The following WNT2B variants were observed in gnomAD, a reference collection of about 807,000 sequenced individuals.
The protein encoded by WNT2B is Wnt family member 2B.
In WNT2B, 19 loss-of-function variants were observed where a neutral mutation model predicts 40.5. The observed-to-expected ratio is 0.47, with a 90% confidence interval of 0.33 to 0.69. The LOEUF (loss-of-function observed/expected upper bound fraction) is 0.69, where lower values mean the gene tolerates loss of function less well. Among genes scored for constraint, WNT2B ranks in the 30% least tolerant of loss-of-function variants. WNT2B has a pLI of 0.02. For missense variants in WNT2B, 467 were observed against 556.4 expected (o/e 0.84, Z 1.62); for synonymous variants, 220 against 211.9 (o/e 1.04, Z -0.33).
intron 1 of WNT2B, among the ~76,000 whole-genome samples, chr1:112,481,736 C>T (rs1038554923): frequency 6.6e-6 from 1 of 152,150 alleles, no homozygotes; most frequent in African/African-American, 2.4e-5. Context: ...TCAGGCCAGG[C>T]GTGGTGGCTC....
At position 112,520,585 on chromosome 1, in the gene WNT2B, TCCTCCAC is replaced by T; in HGVS notation, c.*87_*93del. On this transcript the variant is annotated 3_prime_UTR_variant, in exon 5 of 5. Transcript: ENST00000369684. ...GCACAAGATCCTTGCATGCACACCT[TCCTCCAC>T]CCTCCACCCTGGGCTGCTACCGCTT... The T allele has an allele frequency of 1.4e-6, 2 of 1,416,458 alleles. No homozygotes were observed. The highest frequency in any genetic ancestry group is 9.8e-7 in the Non-Finnish European group (1 of 1,022,876). The allele number at this position is 1,416,458 out of a possible 1,614,324, so 87.7% of individuals were successfully genotyped here. A position where few individuals can be genotyped will look rare whatever the true frequency, so the allele number is the denominator to read the frequency against.
intron 1 of WNT2B, among the ~76,000 whole-genome samples, chr1:112,474,054 G>C (rs1379374771): frequency 1.0e-5 from 1 of 97,574 alleles, no homozygotes; most frequent in African/African-American, 4.0e-5. Context: ...GACAGAGAGA[G>C]ACTCTGTCTC....
chr1:112,524,949 G>A lies in WNT2B; in HGVS notation c.*4440G>A. On this transcript the variant is annotated 3_prime_UTR_variant, in exon 5 of 5. Transcript: ENST00000369684. ...ATCTACAAAGTCACATTACCAACCT[G>A]CAGGCAACTCTTTGGTTTGGGGACC... is the stretch of plus-strand genomic sequence containing the variant. 6.6e-6 allele frequency: 1 copy of A among 152,362 alleles called. No homozygotes were observed. 9.4% of individuals were successfully genotyped at this position (152,362 alleles called of 1,614,324 possible).
intron 1 of WNT2B, among the ~76,000 whole-genome samples, chr1:112,475,613 C>T (rs144377455): frequency 2.2e-4 from 33 of 151,866 alleles, no homozygotes; most frequent in South Asian, 4.2e-4. Flanking sequence ...GTAAATTCAT[C>T]GGCATAATAT....
chr1:112,509,524 G>A lies in WNT2B; in HGVS notation c.182+80G>A. On this transcript the variant is annotated intron_variant, in intron 1 of 4. Transcript: ENST00000369684. The surrounding 1 kb of genome is among the most constrained non-coding windows in gnomAD (Gnocchi z 4.2). ...GCGCCTGGAGGGACTGGCTGCTCAC[G>A]GGACCAGGCTGTTGCTTCGACGGGT... 2.1e-6 allele frequency: 3 copies of A among 1,444,448 alleles called. No homozygotes were observed. Among genetic ancestry groups the A allele is most frequent in the Non-Finnish European group, 2.7e-6 (3 of 1,100,588 alleles). 89.5% of individuals were successfully genotyped at this position (1,444,448 alleles called of 1,614,324 possible).
Position 112,516,152 on chromosome 1 carries a change from C to T in WNT2B, c.416C>T (p.Ala139Val). 2 of 1,611,612 alleles carry T rather than the reference C, an allele frequency of 1.2e-6. No individual in the cohort carries two copies. The highest frequency in any genetic ancestry group is 1.1e-5 in the South Asian group (1 of 90,970). ...ATTCTCTCTCTAGGTAGCCGAGAGG[C>T]AGCTTTTGTATATGCCATCTCATCA... The part of the protein sequence containing the change: ...GRVMLRSSRE[A>V]AFVYAISSAG... Residue 139 changes from alanine (A) to valine (V), a missense_variant, in exon 3 of 5, where the codon GCA becomes GTA. Ala to Val is a moderately conservative substitution (Grantham distance 64, BLOSUM62 0). This residue lies in a region of WNT2B where 330 missense variants were observed against 438.6 expected (regional missense o/e 0.75). Transcript: ENST00000369684.
At chr1:112,519,904 T>G (rs1312114854) in intron 4 of WNT2B, among the ~76,000 whole-genome samples, 1 of 139,058 alleles carries the variant, frequency 7.2e-6, no homozygotes, top group Non-Finnish European at 1.6e-5. Flanking sequence ...GAGACAGAGT[T>G]TCACTGTCAC....
chr1:112,525,527 A>G lies in WNT2B; in HGVS notation c.*5018A>G. ...ATTATCTCTGAGCATCTCGGTGGCT[A>G]TTCCTCATTTACTTAAGATGTTTTA... On this transcript the variant is annotated 3_prime_UTR_variant, in exon 5 of 5. Coordinates refer to ENST00000369684, the MANE Select transcript of WNT2B (RefSeq NM_024494.3). The G allele has an allele frequency of 6.7e-6, 1 of 148,518 alleles. No individual in the cohort carries two copies. The highest frequency in any genetic ancestry group is 1.5e-5 in the Non-Finnish European group (1 of 66,714). The allele number at this position is 148,518 out of a possible 1,614,324, so 9.2% of individuals were successfully genotyped here.
chr1:112,478,958 A>G (rs1651133919), intron 1 of WNT2B, among the ~76,000 whole-genome samples: 1 of 152,086 alleles, frequency 6.6e-6, no homozygotes, highest in South Asian at 2.1e-4. Context: ...GCAGTGGCTG[A>G]TACCTGTATC....
At chr1:112,495,457 C>T (rs941931222) in intron 1 of WNT2B, among the ~76,000 whole-genome samples, 20 of 152,154 alleles carry the variant, frequency 1.3e-4, no homozygotes, top group African/African-American at 4.1e-4. Flanking sequence ...GGCATGGTGG[C>T]GAGTGCCTAT....
chr1:112,475,053 A>C (rs1423940341), intron 1 of WNT2B, among the ~76,000 whole-genome samples: 2 of 152,206 alleles, frequency 1.3e-5, no homozygotes, highest in East Asian at 3.8e-4. Context: ...ACCATGAGAC[A>C]GTTAAACCTC....
chr1:112,527,899 G>A lies in WNT2B; in HGVS notation c.*7390G>A, dbSNP rs773850538. On this transcript the variant is annotated 3_prime_UTR_variant, in exon 5 of 5. Transcript: ENST00000369684. ...AAGGAAACAGTAAGGAAGGTGAACT[G>A]GAACTCTGGGGAAACTGAAAAGGTC... 1.3e-5 allele frequency: 2 copies of A among 152,228 alleles called. No individual in the cohort carries two copies. The highest frequency in any genetic ancestry group is 2.9e-5 in the Non-Finnish European group (2 of 68,048). 9.4% of individuals were successfully genotyped at this position (152,228 alleles called of 1,614,324 possible). A position where few individuals can be genotyped will look rare whatever the true frequency, so the allele number is the denominator to read the frequency against.
intron 1 of WNT2B, among the ~76,000 whole-genome samples, chr1:112,502,092 G>A (rs985650683): frequency 2.6e-5 from 4 of 152,228 alleles, no homozygotes; most frequent in Admixed American, 6.5e-5. Context: ...TGGGGCCCTG[G>A]CCAGGCCTGG....
At chr1:112,467,967 C>A (rs181183478) in intron 1 of WNT2B, among the ~76,000 whole-genome samples, 123 of 152,326 alleles carry the variant, frequency 8.1e-4, no homozygotes, top group African/African-American at 2.9e-3. Flanking sequence ...CTCCCACCAA[C>A]CACCCTTCCC....
At chr1:112,512,593 G>C (rs1336688867) in intron 1 of WNT2B, among the ~76,000 whole-genome samples, 4 of 152,236 alleles carry the variant, frequency 2.6e-5, no homozygotes, top group African/African-American at 9.6e-5. Flanking sequence ...AAGCTGGGAA[G>C]GAAGTGAAGA....
Position 112,514,914 on chromosome 1 carries a change from A to G in WNT2B, c.223A>G (p.Ile75Val). ...GGGGGCACGAGTGATCTGTGACAATATCCCTGGTTTGGTGAGCCGGCAGCG... is the reference window on the plus strand; with the variant it reads ...GGGGGCACGAGTGATCTGTGACAATGTCCCTGGTTTGGTGAGCCGGCAGCG... ...ALGARVICDNIPGLVSRQRQL... is the reference protein window; with the variant it reads ...ALGARVICDNVPGLVSRQRQL... The change falls in exon 2 of 5, where the codon ATC becomes GTC. Residue 75 changes from isoleucine to valine, a missense_variant. Ile to Val is a conservative substitution (Grantham distance 29). Coordinates refer to ENST00000369684, the MANE Select transcript of WNT2B (RefSeq NM_024494.3). The G allele has an allele frequency of 4.3e-6, 7 of 1,614,218 alleles. No individual in the cohort carries two copies. Among genetic ancestry groups the G allele is most frequent in the Non-Finnish European group, 5.9e-6 (7 of 1,180,034 alleles).
chr1:112,469,019 A>G (rs1650791511), intron 1 of WNT2B, among the ~76,000 whole-genome samples: 1 of 152,216 alleles, frequency 6.6e-6, no homozygotes, highest in Non-Finnish European at 1.5e-5. Context: ...ATTCTTGTGC[A>G]TATGGTTATT....
intron 1 of WNT2B, among the ~76,000 whole-genome samples, chr1:112,483,908 C>A (rs1370994334): frequency 6.6e-6 from 1 of 150,476 alleles, no homozygotes; most frequent in African/African-American, 2.4e-5. Context: ...TATATGAAAT[C>A]ATCGGAGAAA....
intron 1 of WNT2B, among the ~76,000 whole-genome samples, chr1:112,476,425 A>C (rs976708140): frequency 9.9e-5 from 15 of 152,232 alleles, no homozygotes; most frequent in Admixed American, 7.9e-4. Flanking sequence ...TCCCCCACTG[A>C]GAAAAACAAC....
Sources: allele counts gnomAD v4.1 joint callset (sites outside exome capture counted in the v4.1 genomes callset), GRCh38; gene constraint gnomAD v4.1.1; regional missense constraint gnomAD v4.1.1; non-coding constraint Gnocchi (gnomAD v3.1); transcripts MANE v1.5; gene names NCBI Gene and HGNC (gene_info 2026-07-23, HGNC 2026-07-21).